Variants in TP53BP2 observed in about 807,000 individuals in gnomAD.
TP53BP2 encodes tumor protein p53 binding protein 2.
TP53BP2 carries 62 observed loss-of-function variants against 126.2 expected under a neutral mutation model. The observed-to-expected ratio is 0.49, with a 90% CI of 0.40 to 0.61. The LOEUF is 0.61. TP53BP2 is among the 20% of genes least tolerant of loss of function. The pLI is 0.00. For synonymous variants in TP53BP2, 485 were observed against 502.9 expected, an observed-to-expected ratio of 0.96 and a Z score of 0.48; for missense variants, 1,215 against 1,402.8, an observed-to-expected ratio of 0.87 and a Z score of 2.14.
At chr1:223,834,303 C>T (rs1663846441) in intron 1 of TP53BP2, among the ~76,000 whole-genome samples, 3 of 152,200 alleles carry the variant, frequency 2.0e-5, no homozygotes, top group Non-Finnish European at 1.5e-5. Context: ...CCCTGCTCCA[C>T]ATCTCCTGAT....
chr1:223,831,195 C>A (rs1663693395), intron 1 of TP53BP2, among the ~76,000 whole-genome samples: 1 of 144,392 alleles, frequency 6.9e-6, no homozygotes, highest in Non-Finnish European at 1.5e-5. Flanking sequence ...CCAGCCTGGG[C>A]AACACAGTAA....
chr1:223,817,847 A>C (rs1442204959), intron 2 of TP53BP2, among the ~76,000 whole-genome samples: 1 of 151,820 alleles, frequency 6.6e-6, no homozygotes, highest in African/African-American at 2.4e-5. Context: ...AATCACCTGA[A>C]CATAGGAGGC....
chr1:223,838,308 T>C (rs1663989567), intron 1 of TP53BP2, among the ~76,000 whole-genome samples: 1 of 152,188 alleles, frequency 6.6e-6, no homozygotes, highest in Non-Finnish European at 1.5e-5. Context: ...GTTGAGCAGA[T>C]GTTATCCCCA....
At chr1:223,794,779 C>CT (rs560528399) in intron 13 of TP53BP2, among the ~76,000 whole-genome samples, 1 of 152,088 alleles carries the variant, frequency 6.6e-6, no homozygotes, top group Non-Finnish European at 1.5e-5. Context: ...TATTTTAAAA[C>CT]TTTTTTTTCT....
chr1:223,789,255 C>A (rs932926638), intron 15 of TP53BP2, 81 bp from the exon 16 acceptor site: 68 of 1,511,918 alleles, frequency 4.5e-5, no homozygotes, highest in Middle Eastern at 1.8e-4. Context: ...AAAGAAAGTT[C>A]TTGAGTCTCT....
In TP53BP2 at chr1:223,780,847, G is replaced by C. The variant is rs769720890; in HGVS notation, c.*6C>G. The C allele has an allele frequency of 1.2e-6, 2 of 1,613,258 alleles. No homozygotes were observed. ...TCTTCATTGACTAAAATTCTGTGTG[G>C]AAGTTTCAGGCCAAGCTCCTTTGTC... is the stretch of plus-strand genomic sequence containing the variant. On this transcript the variant is annotated 3_prime_UTR_variant, in exon 18 of 18. Transcript: ENST00000343537.
intron 1 of TP53BP2, chr1:223,821,590 T>C (rs1663312139): frequency 1.4e-6 from 1 of 698,280 alleles, no homozygotes. Flanking sequence ...TTGGTGACCC[T>C]AGAATACAGT....
chr1:223,827,119 T>C (rs1164355061), intron 1 of TP53BP2, among the ~76,000 whole-genome samples: 1 of 152,164 alleles, frequency 6.6e-6, no homozygotes, highest in Admixed American at 6.5e-5. Context: ...AGAGGCCGTC[T>C]AATATGCAAG....
chr1:223,821,136 G>A (rs1490004051), intron 2 of TP53BP2, 84 bp downstream of exon 2: 1 of 1,543,108 alleles, frequency 6.5e-7, no homozygotes, highest in Non-Finnish European at 8.9e-7. Context: ...GGAGAAACAT[G>A]AGCATTCACA....
At chr1:223,782,731 G>A (rs1380197682) in intron 17 of TP53BP2, among the ~76,000 whole-genome samples, 1 of 152,162 alleles carries the variant, frequency 6.6e-6, no homozygotes, top group Non-Finnish European at 1.5e-5. Context: ...GGGATTACAG[G>A]CGTGAGCCAC....
chr1:223,809,351 G>A (rs1460621115), intron 4 of TP53BP2, among the ~76,000 whole-genome samples: 1 of 152,122 alleles, frequency 6.6e-6, no homozygotes, highest in East Asian at 1.9e-4. Flanking sequence ...TGGATCACTT[G>A]AGGTCAGGAG....
chr1:223,781,030 G>C, intron 17 of TP53BP2, 136 bp from the exon 18 acceptor site: 1 of 788,270 alleles, frequency 1.3e-6, no homozygotes, highest in Non-Finnish European at 2.0e-6. Flanking sequence ...TTTGTGGTGT[G>C]TGTGGCACCT....
intron 1 of TP53BP2, among the ~76,000 whole-genome samples, chr1:223,821,922 C>CA (rs1396657655): frequency 2.0e-5 from 3 of 150,764 alleles, no homozygotes; most frequent in African/African-American, 4.9e-5. Flanking sequence ...GACAGAGTCT[C>CA]ACTCCATCTC....
At chr1:223,817,925 C>CA (rs770941359) in intron 2 of TP53BP2, among the ~76,000 whole-genome samples, 4,760 of 61,702 alleles carry the variant, frequency 0.077, 273 homozygotes, top group African/African-American at 0.23. Flanking sequence ...GACTCAGTCT[C>CA]AAAAAAAAAA....
At chr1:223,835,526 T>C (rs1190499719) in intron 1 of TP53BP2, among the ~76,000 whole-genome samples, 1 of 152,222 alleles carries the variant, frequency 6.6e-6, no homozygotes, top group African/African-American at 2.4e-5. Flanking sequence ...ACAGATTTCA[T>C]TCTGTTTTTT....
intron 2 of TP53BP2, among the ~76,000 whole-genome samples, chr1:223,814,809 T>A (rs1307004328): frequency 2.0e-5 from 3 of 152,186 alleles, no homozygotes; most frequent in African/African-American, 7.2e-5. Context: ...ATACAGGCTA[T>A]TTTTAAATTA....
At position 223,817,486 on chromosome 1, in the gene TP53BP2, C is replaced by G. The variant is rs564519090; in HGVS notation, c.176-3133G>C. Reference sequence around the variant, plus strand: ...AGAATTCCATTTTTGGCATCCACCCCCTAGAGAAATGCTTGCATAGGATCA... The same window carrying G: ...AGAATTCCATTTTTGGCATCCACCCGCTAGAGAAATGCTTGCATAGGATCA... On this transcript the variant is annotated intron_variant, in intron 2 of 17. Coordinates refer to ENST00000343537, the MANE Select transcript of TP53BP2 (RefSeq NM_001031685.3). 1.2e-4 allele frequency among the ~76,000 whole-genome samples: 18 copies of G among 152,126 alleles called. No individual in the cohort carries two copies. The South Asian group carries it at 3.5e-3, about 30-fold the overall frequency.
chr1:223,819,327 C>T (rs947848079), intron 2 of TP53BP2, among the ~76,000 whole-genome samples: 4 of 151,952 alleles, frequency 2.6e-5, no homozygotes, highest in Non-Finnish European at 5.9e-5. Flanking sequence ...AAAGATAGAA[C>T]ACTTCTTCCT....
At chr1:223,789,225 C>A (rs1439967217) in intron 15 of TP53BP2, 51 bp from the exon 16 acceptor site, 2 of 1,590,180 alleles carry the variant, frequency 1.3e-6, no homozygotes, top group Non-Finnish European at 8.6e-7. Flanking sequence ...CTGAATGACA[C>A]CTGCTGATAA....
Sources: gnomAD v4.1 joint callset for allele counts (sites outside exome capture counted in the v4.1 genomes callset) on GRCh38, gnomAD v4.1.1 for gene constraint, MANE v1.5 for transcripts, NCBI Gene and HGNC (gene_info 2026-07-23, HGNC 2026-07-21) for gene names.